PDE4B: variants seen among roughly 807,000 people sequenced by gnomAD.
The protein encoded by PDE4B is 3',5'-cyclic-AMP phosphodiesterase 4B.
PDE4B carries 20 observed loss-of-function variants against 82.2 expected under a neutral mutation model. The observed-to-expected ratio is 0.24, with a 90% CI of 0.17 to 0.35. PDE4B has a LOEUF of 0.35. Ranked by LOEUF, PDE4B falls within the 10% of genes least tolerant of loss-of-function variation. The pLI, the probability that PDE4B is intolerant of heterozygous loss-of-function variation, is 1.00. For missense variants in PDE4B, 655 were observed against 907.2 expected (o/e 0.72, Z 3.57); for synonymous variants, 320 against 318.9 (o/e 1.00, Z -0.04).
chr1:65,934,747 T>C (rs1002076730), intron 3 of PDE4B, among the ~76,000 whole-genome samples: 2 of 152,148 alleles, frequency 1.3e-5, no homozygotes, highest in Non-Finnish European at 2.9e-5. Context: ...ACAAAATATA[T>C]GTAAAGTAAA....
intron 3 of PDE4B, among the ~76,000 whole-genome samples, chr1:66,106,013 G>T (rs1000290632): frequency 1.1e-4 from 17 of 152,160 alleles, no homozygotes; most frequent in African/African-American, 3.6e-4. Context: ...TCCCTGTCTT[G>T]TGCCAGTTTT....
chr1:65,981,055 A>T (rs1471332141), intron 3 of PDE4B, among the ~76,000 whole-genome samples: 1 of 152,190 alleles, frequency 6.6e-6, no homozygotes, highest in Non-Finnish European at 1.5e-5. Flanking sequence ...AGCCATGAGA[A>T]TTAAGTATCT....
chr1:65,899,874 C>G (rs1324797146), intron 1 of PDE4B, among the ~76,000 whole-genome samples: 1 of 151,682 alleles, frequency 6.6e-6, no homozygotes, highest in African/African-American at 2.4e-5. Context: ...TTTGGGGACT[C>G]AGGGACAAAG....
intron 7 of PDE4B, among the ~76,000 whole-genome samples, chr1:66,331,327 AT>A (rs1050286692): frequency 3.9e-5 from 6 of 152,164 alleles, no homozygotes; most frequent in South Asian, 2.1e-4. Context: ...TATAAATGCT[AT>A]TTCTCTCAAA....
chr1:65,934,537 A>G (rs1181650578), intron 3 of PDE4B, among the ~76,000 whole-genome samples: 1 of 152,230 alleles, frequency 6.6e-6, no homozygotes, highest in East Asian at 1.9e-4. Context: ...TTTCTCTATC[A>G]ATGCTTACTT....
At chr1:66,149,724 A>G (rs1257275988) in intron 3 of PDE4B, among the ~76,000 whole-genome samples, 1 of 152,144 alleles carries the variant, frequency 6.6e-6, no homozygotes, top group Non-Finnish European at 1.5e-5. Context: ...GTGGTGGCAC[A>G]TGCCTGTAGT....
chr1:65,992,675 T>C (rs1184936697), intron 3 of PDE4B: 7 of 1,255,698 alleles, frequency 5.6e-6, no homozygotes, highest in African/African-American at 4.6e-5. Context: ...GGAAGCACTT[T>C]GGCGCATTTT....
chr1:66,175,181 T>C (rs1310700912), intron 3 of PDE4B, among the ~76,000 whole-genome samples: 1 of 152,228 alleles, frequency 6.6e-6, no homozygotes, highest in Non-Finnish European at 1.5e-5. Flanking sequence ...AGCTAAATTA[T>C]AGATGTGTAA....
At chr1:66,075,227 C>A (rs77426343) in intron 3 of PDE4B, among the ~76,000 whole-genome samples, 2,641 of 152,034 alleles carry the variant, frequency 0.017, 83 homozygotes, top group African/African-American at 0.061. Flanking sequence ...ATTTCCTGGG[C>A]AAAGCCAAAA....
intron 3 of PDE4B, among the ~76,000 whole-genome samples, chr1:66,147,052 TA>T (rs1021473373): frequency 6.6e-6 from 1 of 152,062 alleles, no homozygotes; most frequent in African/African-American, 2.4e-5. Flanking sequence ...AGACTTCAAA[TA>T]GGTTGACAGC....
chr1:65,993,951 A>C (rs1651392048), intron 3 of PDE4B, among the ~76,000 whole-genome samples: 1 of 152,168 alleles, frequency 6.6e-6, no homozygotes, highest in East Asian at 1.9e-4. Flanking sequence ...CGATGAAATT[A>C]AATCACTTTT....
chr1:66,021,908 G>A (rs1054934305), intron 3 of PDE4B, among the ~76,000 whole-genome samples: 5 of 152,146 alleles, frequency 3.3e-5, no homozygotes, highest in African/African-American at 1.2e-4. Context: ...TGGGCAATAT[G>A]GCTATTTTCA....
intron 8 of PDE4B, among the ~76,000 whole-genome samples, chr1:66,337,212 A>G (rs983532430): frequency 2.0e-5 from 3 of 152,208 alleles, no homozygotes; most frequent in Non-Finnish European, 4.4e-5. Context: ...CATAAGATGC[A>G]TCCATTTGCT....
At chr1:66,030,264 T>G in intron 3 of PDE4B, among the ~76,000 whole-genome samples, 1 of 152,180 alleles carries the variant, frequency 6.6e-6, no homozygotes, top group East Asian at 1.9e-4. Context: ...AGTATTCTGT[T>G]GAGGATTTTT....
At chr1:66,065,841 C>G (rs930952381) in intron 3 of PDE4B, among the ~76,000 whole-genome samples, 1 of 151,856 alleles carries the variant, frequency 6.6e-6, no homozygotes, top group Non-Finnish European at 1.5e-5. Flanking sequence ...AATGAATATA[C>G]ATATGCATGT....
At chr1:66,294,215 TA>T (rs113619902) in intron 7 of PDE4B, among the ~76,000 whole-genome samples, 34 of 148,510 alleles carry the variant, frequency 2.3e-4, no homozygotes, top group African/African-American at 5.7e-4. Context: ...CAATTAAAAT[TA>T]AAAAAAAAAA....
At chr1:66,314,364 C>A (rs990123136) in intron 7 of PDE4B, among the ~76,000 whole-genome samples, 77 of 152,162 alleles carry the variant, frequency 5.1e-4, no homozygotes, top group African/African-American at 1.8e-3. Context: ...ATCCAAACTT[C>A]TTGGTCTCAT....
intron 3 of PDE4B, among the ~76,000 whole-genome samples, chr1:66,042,189 T>G (rs993888043): frequency 6.6e-6 from 1 of 151,858 alleles, no homozygotes; most frequent in Admixed American, 6.6e-5. Flanking sequence ...GCTGTTAAAG[T>G]GATTGATATA....
At chr1:65,964,897 TACCCA>T (rs1649733767) in intron 3 of PDE4B, among the ~76,000 whole-genome samples, 1 of 20,632 alleles carries the variant, frequency 4.8e-5, no homozygotes, top group African/African-American at 1.9e-4. Context: ...ACAGTGGTTA[TACCCA>T]GTGGATATAT....
Sources: allele counts gnomAD v4.1 joint callset (sites outside exome capture counted in the v4.1 genomes callset), GRCh38; gene constraint gnomAD v4.1.1; transcripts MANE v1.5; gene names NCBI Gene and HGNC (gene_info 2026-07-23, HGNC 2026-07-21).